KCNMB2: variants seen among roughly 807,000 people sequenced by gnomAD.
KCNMB2 encodes calcium-activated potassium channel subunit beta-2.
Under a neutral mutation model 24.5 loss-of-function variants are expected in KCNMB2, and 9 were observed. That is an observed-to-expected ratio of 0.37 (90% CI 0.22 to 0.64). KCNMB2 has a LOEUF of 0.64. Among genes scored for constraint, KCNMB2 ranks in the 30% least tolerant of loss-of-function variants. The pLI is 0.63. For synonymous variants in KCNMB2, 109 were observed against 104.4 expected (o/e 1.04, Z -0.27); for missense variants, 226 against 284.3 (o/e 0.79, Z 1.47).
intron 1 of KCNMB2, among the ~76,000 whole-genome samples, chr3:178,570,402 ATT>A (rs1716730451): frequency 6.6e-6 from 1 of 152,086 alleles, no homozygotes; most frequent in South Asian, 2.1e-4. Context: ...ACGTGAAAAT[ATT>A]TCAAGAAGAC....
At chr3:178,641,799 C>T (rs1307443193) in intron 1 of KCNMB2, among the ~76,000 whole-genome samples, 1 of 152,072 alleles carries the variant, frequency 6.6e-6, no homozygotes, top group Non-Finnish European at 1.5e-5. Context: ...GATTTCTGTA[C>T]ATGTTCTTTT....
At chr3:178,756,810 T>A (rs369991045) in intron 1 of KCNMB2, among the ~76,000 whole-genome samples, 7 of 152,096 alleles carry the variant, frequency 4.6e-5, no homozygotes, top group South Asian at 2.1e-4. Context: ...GCATTGGGCT[T>A]AGAGTTAACA....
chr3:178,769,675 C>T (rs909600951), intron 1 of KCNMB2, among the ~76,000 whole-genome samples: 46 of 152,122 alleles, frequency 3.0e-4, no homozygotes, highest in Admixed American at 2.1e-3. Flanking sequence ...AATCAAGATC[C>T]TACGAGAATT....
At chr3:178,564,083 G>A (rs527615406) in intron 1 of KCNMB2, among the ~76,000 whole-genome samples, 16 of 152,168 alleles carry the variant, frequency 1.1e-4, no homozygotes, top group South Asian at 2.1e-4. Flanking sequence ...TTCGAGACCA[G>A]CTTGACCAAC....
intron 1 of KCNMB2, among the ~76,000 whole-genome samples, chr3:178,681,373 T>C (rs1479674569): frequency 6.6e-6 from 1 of 152,180 alleles, no homozygotes; most frequent in Non-Finnish European, 1.5e-5. Context: ...TGGGAATGAG[T>C]TAGAAGCCTG....
intron 1 of KCNMB2, among the ~76,000 whole-genome samples, chr3:178,541,049 G>A (rs1005547140): frequency 6.6e-6 from 1 of 152,170 alleles, no homozygotes; most frequent in Non-Finnish European, 1.5e-5. Flanking sequence ...TAGATTCCAA[G>A]TATAAGATTT....
chr3:178,806,665 C>A (rs1560029199), intron 1 of KCNMB2, among the ~76,000 whole-genome samples: 1 of 147,242 alleles, frequency 6.8e-6, no homozygotes, highest in Non-Finnish European at 1.5e-5. Flanking sequence ...GAGGAAAGAA[C>A]TTCTCCCAAA....
chr3:178,596,323 C>T (rs1333366513), intron 1 of KCNMB2, among the ~76,000 whole-genome samples: 1 of 151,988 alleles, frequency 6.6e-6, no homozygotes, highest in Non-Finnish European at 1.5e-5. Context: ...ATACACTTGG[C>T]CTTTGCTCAT....
chr3:178,550,770 G>C (rs1202720036), intron 1 of KCNMB2, among the ~76,000 whole-genome samples: 1 of 152,166 alleles, frequency 6.6e-6, no homozygotes, highest in African/African-American at 2.4e-5. Context: ...CGGTGCCTCA[G>C]TTTCCTCCTC....
chr3:178,710,506 G>A (rs2108349238), intron 1 of KCNMB2, among the ~76,000 whole-genome samples: 1 of 152,194 alleles, frequency 6.6e-6, no homozygotes, highest in East Asian at 1.9e-4. Flanking sequence ...ATGCCAGCTA[G>A]AAGAAACCAA....
chr3:178,537,104 T>C (rs973612608), intron 1 of KCNMB2, among the ~76,000 whole-genome samples: 11 of 152,340 alleles, frequency 7.2e-5, no homozygotes, highest in African/African-American at 2.6e-4. Context: ...AAGAGGAAGC[T>C]GTCCTTAAGA....
At position 178,843,105 on chromosome 3, in the gene KCNMB2, T is replaced by C; in HGVS notation, c.*168T>C. ...CTGTTCTATATGCAAACATGATGTC[T>C]TTATTATTCAGGAGAATAAATAACT... On this transcript the variant is annotated 3_prime_UTR_variant, in exon 5 of 5. Transcript: ENST00000452583. 1 of 682,752 alleles carries C rather than the reference T, an allele frequency of 1.5e-6. No homozygotes were observed. The highest frequency in any genetic ancestry group is 1.8e-5 in the African/African-American group (1 of 56,324). The allele number at this position is 682,752 out of a possible 1,614,324, so 42.3% of individuals were successfully genotyped here. A position where few individuals can be genotyped will look rare whatever the true frequency, so the allele number is the denominator to read the frequency against.
At chr3:178,594,670 A>C (rs978251829) in intron 1 of KCNMB2, among the ~76,000 whole-genome samples, 1 of 152,114 alleles carries the variant, frequency 6.6e-6, no homozygotes, top group African/African-American at 2.4e-5. Flanking sequence ...TGGATGTTTT[A>C]GTCTGGAATT....
intron 2 of KCNMB2, 51 bp downstream of exon 2, chr3:178,807,516 T>C (rs1334151161): frequency 2.0e-6 from 3 of 1,474,962 alleles, no homozygotes; most frequent in South Asian, 2.3e-5. Flanking sequence ...AACCTGACTC[T>C]CCAAAGAGGA....
At chr3:178,791,605 A>G (rs1184172719) in intron 1 of KCNMB2, among the ~76,000 whole-genome samples, 1 of 152,198 alleles carries the variant, frequency 6.6e-6, no homozygotes, top group Non-Finnish European at 1.5e-5. Context: ...AACCTAGAGA[A>G]AGATATCAAT....
At chr3:178,672,487 A>G (rs1311530128) in intron 1 of KCNMB2, among the ~76,000 whole-genome samples, 1 of 152,220 alleles carries the variant, frequency 6.6e-6, no homozygotes, top group African/African-American at 2.4e-5. Flanking sequence ...TAGTACATCC[A>G]TGTCCTTAAA....
intron 1 of KCNMB2, among the ~76,000 whole-genome samples, chr3:178,645,827 C>A (rs879417612): frequency 2.0e-5 from 3 of 151,982 alleles, no homozygotes; most frequent in Admixed American, 6.6e-5. Flanking sequence ...AAAGGGTCTG[C>A]GAAACATATG....
intron 2 of KCNMB2, among the ~76,000 whole-genome samples, chr3:178,815,658 C>T (rs1465787082): frequency 6.6e-6 from 1 of 152,044 alleles, no homozygotes; most frequent in African/African-American, 2.4e-5. Context: ...ATCAAGTTTA[C>T]TATAGGTATT....
At chr3:178,676,881 C>G (rs978330607) in intron 1 of KCNMB2, among the ~76,000 whole-genome samples, 3 of 152,072 alleles carry the variant, frequency 2.0e-5, no homozygotes, top group Admixed American at 6.5e-5. Context: ...GCTGCATTAC[C>G]TCACTGAGCC....
Sources: gnomAD v4.1 joint callset for allele counts (sites outside exome capture counted in the v4.1 genomes callset) on GRCh38, gnomAD v4.1.1 for gene constraint, MANE v1.5 for transcripts, NCBI Gene and HGNC (gene_info 2026-07-23, HGNC 2026-07-21) for gene names.